Variants in XRCC4 observed in about 807,000 individuals in gnomAD.
XRCC4 encodes X-ray repair cross complementing 4, also known as DNA repair protein XRCC4.
A neutral mutation model predicts 39.1 loss-of-function variants in XRCC4; 28 were observed. The observed-to-expected ratio is 0.72, with a 90% confidence interval of 0.53 to 0.98. XRCC4 has a LOEUF of 0.98. Ranked by LOEUF, XRCC4 falls within the 50% of genes least tolerant of loss-of-function variation. The probability of loss-of-function intolerance (pLI) is 0.00; values close to 1 mark genes in which losing one functional copy is unlikely to be tolerated. For missense variants in XRCC4, 350 were observed against 376.4 expected (o/e 0.93, Z 0.58); for synonymous variants, 123 against 126.4 (o/e 0.97, Z 0.18).
chr5:83,253,473 C>G (rs1753405898), intron 6 of XRCC4, among the ~76,000 whole-genome samples: 1 of 149,820 alleles, frequency 6.7e-6, no homozygotes. Context: ...GAATAACATG[C>G]TTCACTACAT....
At chr5:83,355,535 A>T (rs1212111948), downstream of XRCC4, among the ~76,000 whole-genome samples, 1 of 152,260 alleles carries the variant, frequency 6.6e-6, no homozygotes, top group African/African-American at 2.4e-5. Flanking sequence ...GAAAGATTGA[A>T]ATTTAGCTGG....
At chr5:83,318,107 A>T (rs1007035212) in intron 7 of XRCC4, among the ~76,000 whole-genome samples, 1 of 145,996 alleles carries the variant, frequency 6.8e-6, no homozygotes. Flanking sequence ...CAAAAACCAC[A>T]TGATTATCTC....
chr5:83,336,708 G>C (rs1237374057), intron 7 of XRCC4, among the ~76,000 whole-genome samples: 1 of 152,108 alleles, frequency 6.6e-6, no homozygotes, highest in East Asian at 1.9e-4. Flanking sequence ...TCTTCCAGTA[G>C]TTGGGTTGTG....
chr5:83,139,020 A>G (rs1748035713), intron 3 of XRCC4, among the ~76,000 whole-genome samples: 1 of 152,280 alleles, frequency 6.6e-6, no homozygotes, highest in Middle Eastern at 3.4e-3. Context: ...TAATTATAGT[A>G]CAATTATTAA....
At chr5:83,250,636 C>T (rs541738510) in intron 6 of XRCC4, among the ~76,000 whole-genome samples, 2 of 152,220 alleles carry the variant, frequency 1.3e-5, no homozygotes, top group East Asian at 1.9e-4. Flanking sequence ...AGTTTCAATT[C>T]AGATTTGCTG....
chr5:83,080,358 C>G (rs915327214), intron 1 of XRCC4, among the ~76,000 whole-genome samples: 4 of 152,038 alleles, frequency 2.6e-5, no homozygotes, highest in African/African-American at 9.7e-5. Context: ...GAAACCCCAT[C>G]TCTACTAATA....
At chr5:83,121,460 T>C (rs1018857270) in intron 3 of XRCC4, among the ~76,000 whole-genome samples, 1 of 152,188 alleles carries the variant, frequency 6.6e-6, no homozygotes. Context: ...GATTTTTCAT[T>C]TTAGACATTT....
At chr5:83,120,857 A>G (rs1746977276) in intron 3 of XRCC4, among the ~76,000 whole-genome samples, 1 of 152,228 alleles carries the variant, frequency 6.6e-6, no homozygotes, top group African/African-American at 2.4e-5. Context: ...AAATGTGTAC[A>G]TACCCATGAA....
At chr5:83,235,081 T>C (rs1481206913) in intron 6 of XRCC4, among the ~76,000 whole-genome samples, 1 of 151,680 alleles carries the variant, frequency 6.6e-6, no homozygotes, top group Non-Finnish European at 1.5e-5. Flanking sequence ...ACACCTATAA[T>C]CCGATCATTT....
At chr5:83,130,697 G>A (rs1160121629) in intron 3 of XRCC4, among the ~76,000 whole-genome samples, 5 of 152,088 alleles carry the variant, frequency 3.3e-5, no homozygotes, top group Admixed American at 3.3e-4. Flanking sequence ...TTTAGTCTTG[G>A]GAGGGTGTAT....
chr5:83,201,815 A>G (rs2974447), intron 4 of XRCC4: 86,478 of 152,178 alleles, frequency 0.57, 25,350 homozygotes, highest in African/African-American at 0.71. Context: ...AGGCTGAGGC[A>G]GATGGATCAC....
intron 3 of XRCC4, among the ~76,000 whole-genome samples, chr5:83,190,878 G>T (rs1750663442): frequency 6.6e-6 from 1 of 152,086 alleles, no homozygotes. Flanking sequence ...ATCTTTAACT[G>T]TGCCCTTTTT....
At chr5:83,356,856 A>C (rs776606590), downstream of XRCC4, 1 of 328,212 alleles carries the variant, frequency 3.0e-6, no homozygotes, top group Non-Finnish European at 6.1e-6. Flanking sequence ...AGGTTTTTTC[A>C]TCTTAAAATG....
rs186268425 is a variant in XRCC4, at chr5:83,353,416, C to G, written c.*174C>G. Reference sequence around the variant, plus strand: ...TGGATTACACATGTATACAAAGATACGATTTGATGATGACACTGGCACATT... The same window carrying G: ...TGGATTACACATGTATACAAAGATAGGATTTGATGATGACACTGGCACATT... On this transcript the variant is annotated 3_prime_UTR_variant, in exon 8 of 8. Coordinates refer to ENST00000396027, the MANE Select transcript of XRCC4 (RefSeq NM_003401.5). 1 of 484,120 alleles carries G rather than the reference C, an allele frequency of 2.1e-6. No homozygotes were observed. Among genetic ancestry groups the G allele is most frequent in the East Asian group, 3.5e-5 (1 of 28,468 alleles). The allele number at this position is 484,120 out of a possible 1,614,324, so 30.0% of individuals were successfully genotyped here. A position where few individuals can be genotyped will look rare whatever the true frequency, so the allele number is the denominator to read the frequency against.
At chr5:83,191,902 A>G (rs1750712178) in intron 3 of XRCC4, among the ~76,000 whole-genome samples, 1 of 152,084 alleles carries the variant, frequency 6.6e-6, no homozygotes, top group South Asian at 2.1e-4. Context: ...ACCAACTAAT[A>G]CATAGGCTAA....
chr5:83,152,058 C>T (rs1387486522), intron 3 of XRCC4, among the ~76,000 whole-genome samples: 1 of 152,156 alleles, frequency 6.6e-6, no homozygotes, highest in Admixed American at 6.5e-5. Context: ...TATTACAAAA[C>T]ATACCAACTA....
intron 3 of XRCC4, among the ~76,000 whole-genome samples, chr5:83,189,949 A>C (rs2112679368): frequency 6.6e-6 from 1 of 152,288 alleles, no homozygotes; most frequent in African/African-American, 2.4e-5. Flanking sequence ...CTGTAATCCC[A>C]GCTACGTGGG....
At chr5:83,131,673 CTGTTT>C (rs1747591462) in intron 3 of XRCC4, among the ~76,000 whole-genome samples, 1 of 151,844 alleles carries the variant, frequency 6.6e-6, no homozygotes, top group Non-Finnish European at 1.5e-5. Context: ...GGTTTAAAGT[CTGTTT>C]TATCAGAGAC....
At position 83,153,528 on chromosome 5, in the gene XRCC4, G is replaced by A. The variant is rs191009777; in HGVS notation, c.316-42242G>A. ...AGACATGAACAGCCATTTCACCAAGGATGATATATAGGTGGCAGATAAGCA... is the reference window on the plus strand; with the variant it reads ...AGACATGAACAGCCATTTCACCAAGAATGATATATAGGTGGCAGATAAGCA... On this transcript the variant is annotated intron_variant, in intron 3 of 7. Transcript: ENST00000396027. 8.6e-4 allele frequency among the ~76,000 whole-genome samples: 131 copies of A among 152,262 alleles called. No homozygotes were observed. In the Middle Eastern group the frequency reaches 0.01, roughly 12 times the overall value.
Sources: gnomAD v4.1 joint callset for allele counts (sites outside exome capture counted in the v4.1 genomes callset) on GRCh38, gnomAD v4.1.1 for gene constraint, MANE v1.5 for transcripts, NCBI Gene and HGNC (gene_info 2026-07-23, HGNC 2026-07-21) for gene names.